The following C2CD2 variants were observed in gnomAD, a reference collection of about 807,000 sequenced individuals.
The protein encoded by C2CD2 is C2 domain-containing protein 2.
Under a neutral mutation model 74.3 loss-of-function variants are expected in C2CD2, and 43 were observed. The observed-to-expected ratio is 0.58, with a 90% CI of 0.45 to 0.75. The LOEUF is 0.75. C2CD2 is among the 30% of genes least tolerant of loss of function. The pLI is 0.00. For missense variants in C2CD2, 801 were observed against 916.3 expected (o/e 0.87, Z 1.63); for synonymous variants, 422 against 390.7 (o/e 1.08, Z -0.94).
rs1164400835 is a variant in C2CD2, at chr21:41,892,574, C to G, written c.1871-3230G>C. 6.6e-6 allele frequency among the ~76,000 whole-genome samples: 1 copy of G among 152,200 alleles called. No homozygotes were observed. The highest frequency in any genetic ancestry group is 1.5e-5 in the Non-Finnish European group (1 of 68,028). ...GCAGCATCCTCAGCCCCGAGCCCTC[C>G]AAACAACAGGCCTCTAAGGACAACA... On this transcript the variant is annotated intron_variant, in intron 13 of 13. Transcript: ENST00000380486. This position sits in a 1 kb window ranked among gnomAD's most constrained non-coding sequence, Gnocchi z 4.6.
intron 1 of C2CD2, among the ~76,000 whole-genome samples, chr21:41,943,699 C>T (rs911781827): frequency 6.6e-6 from 1 of 152,162 alleles, no homozygotes; most frequent in African/African-American, 2.4e-5. Flanking sequence ...AGTGAGCAAG[C>T]GATGAGGTTA....
intron 5 of C2CD2, 81 bp from the exon 6 acceptor site, chr21:41,914,802 TGG>T: frequency 8.0e-7 from 1 of 1,255,616 alleles, no homozygotes. Context: ...ACTCCTGTTA[TGG>T]GGGGTGGTGG....
chr21:41,928,544 C>CAAAAAAAAAAAAAAAAAAAAAA (rs59346777), intron 2 of C2CD2, among the ~76,000 whole-genome samples: 2 of 72,266 alleles, frequency 2.8e-5, no homozygotes, highest in African/African-American at 5.3e-5. Context: ...TAAAGCAAAG[C>CAAAAAAAAAAAAAAAAAAAAAA]AAAAAAAAAA....
At chr21:41,919,034 C>CTGTG (rs3833357) in intron 3 of C2CD2, 74 bp from the exon 4 acceptor site, 300,598 of 988,422 alleles carry the variant, frequency 0.3, 50,306 homozygotes, top group South Asian at 0.36. Context: ...GTGCATGTGA[C>CTGTG]TGTGTGAGCA....
At chr21:41,913,325 G>A (rs2065050335) in intron 6 of C2CD2, among the ~76,000 whole-genome samples, 1 of 152,224 alleles carries the variant, frequency 6.6e-6, no homozygotes. Context: ...ATACACTGTG[G>A]AATCAGTAAT....
At chr21:41,938,833 C>T (rs866142303) in intron 2 of C2CD2, among the ~76,000 whole-genome samples, 20 of 151,884 alleles carry the variant, frequency 1.3e-4, no homozygotes, top group Middle Eastern at 3.4e-3. Flanking sequence ...CCTCCGCCTC[C>T]CAGGTTCAAG....
intron 2 of C2CD2, among the ~76,000 whole-genome samples, chr21:41,941,232 G>A (rs891572706): frequency 2.6e-5 from 4 of 152,082 alleles, no homozygotes; most frequent in Non-Finnish European, 5.9e-5. Flanking sequence ...ACGGTGACAC[G>A]TGCCTGTAGT....
At chr21:41,922,464 T>G (rs1040168189) in intron 2 of C2CD2, among the ~76,000 whole-genome samples, 141 of 144,532 alleles carry the variant, frequency 9.8e-4, no homozygotes, top group African/African-American at 3.4e-3. Flanking sequence ...TGTGCTCAGC[T>G]GCCATAGGCA....
chr21:41,950,753 G>C (rs1169030176), intron 1 of C2CD2, among the ~76,000 whole-genome samples: 1 of 152,180 alleles, frequency 6.6e-6, no homozygotes, highest in Non-Finnish European at 1.5e-5. Flanking sequence ...GAAGAGTTTA[G>C]GGTTTCTTTC....
At chr21:41,905,456 T>A (rs1200691261) in intron 11 of C2CD2, among the ~76,000 whole-genome samples, 5 of 152,140 alleles carry the variant, frequency 3.3e-5, no homozygotes, top group Non-Finnish European at 7.4e-5. Flanking sequence ...TAGCTGGGAT[T>A]ACTGGCATGC....
chr21:41,944,335 AC>A (rs1334234095), intron 1 of C2CD2, among the ~76,000 whole-genome samples: 2 of 151,796 alleles, frequency 1.3e-5, no homozygotes, highest in Non-Finnish European at 2.9e-5. Context: ...ACATGGTGAA[AC>A]CCCGTCCCTA....
chr21:41,923,710 G>T lies in C2CD2; in HGVS notation c.379-1625C>A, dbSNP rs540077860. Among the ~76,000 whole-genome samples the T allele has an allele frequency of 6.3e-4, 96 of 152,142 alleles. No individual in the cohort carries two copies. The highest frequency in any genetic ancestry group is 9.7e-4 in the Non-Finnish European group (66 of 68,028). On this transcript the variant is annotated intron_variant, in intron 2 of 13. Transcript: ENST00000380486. This position sits in a 1 kb window ranked among gnomAD's most constrained non-coding sequence, Gnocchi z 5.8. ...TCCTGACATAAATCATAATCATACA[G>T]TATTAAGAGGGGTGCTTTTCACAGC...
intron 13 of C2CD2, among the ~76,000 whole-genome samples, chr21:41,893,613 C>T (rs1375544876): frequency 6.6e-6 from 1 of 152,050 alleles, no homozygotes; most frequent in South Asian, 2.1e-4. Context: ...TACACCCTAC[C>T]GAGAGGGGCT....
chr21:41,907,492 C>T (rs917931454), intron 9 of C2CD2, among the ~76,000 whole-genome samples, 168 bp downstream of exon 9: 7 of 152,240 alleles, frequency 4.6e-5, no homozygotes, highest in Non-Finnish European at 1.0e-4. Context: ...GTGGACAGAA[C>T]GTGCTCTATT....
In C2CD2 at chr21:41,953,845, C is replaced by T. The variant is rs1465291963; in HGVS notation, c.-197G>A. The T allele has an allele frequency of 1.2e-5, 4 of 329,252 alleles. No individual in the cohort carries two copies. The highest frequency in any genetic ancestry group is 2.0e-5 in the Non-Finnish European group (4 of 195,516). 20.4% of individuals were successfully genotyped at this position (329,252 alleles called of 1,614,324 possible). ...GAGGAAACGCGCGGCGGCCGCGGCC[C>T]GGGCTGGGCGCAAGCCCCGCACACC... On this transcript the variant is annotated 5_prime_UTR_variant, in exon 1 of 14. Coordinates refer to ENST00000380486, the MANE Select transcript of C2CD2 (RefSeq NM_015500.2).
At chr21:41,915,769 T>C (rs2065083300) in intron 5 of C2CD2, among the ~76,000 whole-genome samples, 1 of 152,152 alleles carries the variant, frequency 6.6e-6, no homozygotes, top group South Asian at 2.1e-4. Context: ...ATTTATTTTG[T>C]TCGTTTGTTT....
At chr21:41,905,891 CAGTTACCGAAA>C (rs1183176897) in intron 10 of C2CD2, 54 bp from the exon 11 acceptor site, 20 of 970,632 alleles carry the variant, frequency 2.1e-5, no homozygotes, top group African/African-American at 3.2e-5. Flanking sequence ...ACTGGATCAA[CAGTTACCGAAA>C]AGTGAAAGGA....
intron 1 of C2CD2, among the ~76,000 whole-genome samples, chr21:41,950,152 G>GA (rs1247511761): frequency 1.3e-5 from 2 of 151,648 alleles, no homozygotes; most frequent in African/African-American, 4.8e-5. Flanking sequence ...AAAAAAAAAG[G>GA]AAAAAAAAGA....
rs550180852 is a variant in C2CD2, at chr21:41,912,074, T to C, written c.953+258A>G. On this transcript the variant is annotated intron_variant, in intron 7 of 13. Coordinates refer to ENST00000380486, the MANE Select transcript of C2CD2 (RefSeq NM_015500.2). Reference sequence around the variant, plus strand: ...CTCCCTTTTCACCCTGGATGATATGTGTGTCTGTAAGAGACCCCACGATGG... The same window carrying C: ...CTCCCTTTTCACCCTGGATGATATGCGTGTCTGTAAGAGACCCCACGATGG... 389 of 361,586 alleles carry C rather than the reference T, an allele frequency of 1.1e-3. 7 individuals are homozygous for C. The South Asian group carries it at 0.025, about 23-fold the overall frequency. The allele number at this position is 361,586 out of a possible 1,614,324, so 22.4% of individuals were successfully genotyped here.
Sources: gnomAD v4.1 joint callset for allele counts (sites outside exome capture counted in the v4.1 genomes callset) on GRCh38, gnomAD v4.1.1 for gene constraint, Gnocchi (gnomAD v3.1) non-coding constraint, MANE v1.5 for transcripts, NCBI Gene and HGNC (gene_info 2026-07-23, HGNC 2026-07-21) for gene names.